WWOX: variants seen among roughly 807,000 people sequenced by gnomAD.
WWOX encodes the protein WW domain containing oxidoreductase, also known as WW domain-containing oxidoreductase.
In WWOX, 69 loss-of-function variants were observed where a neutral mutation model predicts 46.2. That is an observed-to-expected ratio of 1.49 (90% confidence interval 1.23 to 1.82). The LOEUF (loss-of-function observed/expected upper bound fraction) is 1.82, where lower values mean the gene tolerates loss of function less well. Among genes scored for constraint, WWOX ranks in the 40% most tolerant of loss-of-function variants. The pLI is 0.00. For missense variants in WWOX, 919 were observed against 542.6 expected (o/e 1.69, Z -6.89); for synonymous variants, 359 against 202.6 (o/e 1.77, Z -6.56).
intron 5 of WWOX, among the ~76,000 whole-genome samples, chr16:78,291,257 C>CGA (rs1248015453): frequency 1.3e-5 from 2 of 152,184 alleles, no homozygotes; most frequent in Non-Finnish European, 2.9e-5. Flanking sequence ...TCTGATCTCT[C>CGA]TTTTGACTCG....
chr16:78,709,714 C>T (rs1244070838), intron 8 of WWOX, among the ~76,000 whole-genome samples: 1 of 149,700 alleles, frequency 6.7e-6, no homozygotes, highest in Non-Finnish European at 1.5e-5. Flanking sequence ...GGGGCCTCTT[C>T]TTCCAAAGCA....
chr16:78,902,385 G>A (rs1474559937), intron 8 of WWOX, among the ~76,000 whole-genome samples: 1 of 152,216 alleles, frequency 6.6e-6, no homozygotes, highest in African/African-American at 2.4e-5. Flanking sequence ...TTACCTCAAG[G>A]ACAAGGGGAC....
intron 5 of WWOX, among the ~76,000 whole-genome samples, chr16:78,326,765 A>T (rs1234986625): frequency 6.6e-6 from 1 of 151,946 alleles, no homozygotes; most frequent in Non-Finnish European, 1.5e-5. Context: ...TAGACATTTA[A>T]GTGGGCAATA....
At chr16:78,571,238 T>G (rs901949404) in intron 8 of WWOX, among the ~76,000 whole-genome samples, 1 of 152,180 alleles carries the variant, frequency 6.6e-6, no homozygotes, top group African/African-American at 2.4e-5. Context: ...GTAAATGTGT[T>G]GCTTAAATAG....
intron 8 of WWOX, among the ~76,000 whole-genome samples, chr16:79,135,742 A>G (rs996802509): frequency 6.6e-6 from 1 of 152,244 alleles, no homozygotes. Context: ...TTTTAAAAAA[A>G]TAATATAGCT....
chr16:78,910,863 G>T (rs2045091788), intron 8 of WWOX, among the ~76,000 whole-genome samples: 1 of 151,970 alleles, frequency 6.6e-6, no homozygotes, highest in African/African-American at 2.4e-5. Context: ...AATTCAAGAT[G>T]AGATTTGGGT....
chr16:78,959,700 C>G (rs2046236853), intron 8 of WWOX, among the ~76,000 whole-genome samples: 1 of 152,166 alleles, frequency 6.6e-6, no homozygotes, highest in Admixed American at 6.5e-5. Flanking sequence ...TGATGAGACC[C>G]CCCTGCAACT....
chr16:78,831,836 C>T (rs1053832488), intron 8 of WWOX, among the ~76,000 whole-genome samples: 1 of 152,200 alleles, frequency 6.6e-6, no homozygotes, highest in African/African-American at 2.4e-5. Flanking sequence ...AGCTAGAGTA[C>T]AGTCTCTTAG....
At chr16:78,323,929 C>G (rs891886293) in intron 5 of WWOX, among the ~76,000 whole-genome samples, 1 of 152,228 alleles carries the variant, frequency 6.6e-6, no homozygotes, top group East Asian at 1.9e-4. Context: ...ATAGATGCCC[C>G]TTTACTGAGC....
intron 8 of WWOX, among the ~76,000 whole-genome samples, chr16:78,481,636 A>G (rs910444518): frequency 1.0e-5 from 1 of 97,834 alleles, no homozygotes; most frequent in African/African-American, 3.6e-5. Flanking sequence ...TGGAATTGTG[A>G]AAAAAAAAAA....
At chr16:78,731,152 G>C (rs1265400550) in intron 8 of WWOX, among the ~76,000 whole-genome samples, 1 of 152,120 alleles carries the variant, frequency 6.6e-6, no homozygotes, top group Non-Finnish European at 1.5e-5. Context: ...GTAAGCCAAG[G>C]AGTTCTAACT....
chr16:78,618,888 A>G (rs1035816728), intron 8 of WWOX, among the ~76,000 whole-genome samples: 3 of 151,380 alleles, frequency 2.0e-5, no homozygotes, highest in Non-Finnish European at 2.9e-5. Flanking sequence ...CCCAGCATGG[A>G]TCTTCTCCAA....
intron 8 of WWOX, among the ~76,000 whole-genome samples, chr16:78,988,269 G>C (rs186178324): frequency 5.3e-5 from 8 of 151,598 alleles, no homozygotes; most frequent in Non-Finnish European, 1.2e-4. Context: ...ACTTGAACCC[G>C]GGAGGCAGAG....
Position 79,070,707 on chromosome 16 carries a change from C to T in WWOX, c.1057-140901C>T, listed in dbSNP as rs957708031. Among the ~76,000 whole-genome samples the T allele has an allele frequency of 5.9e-5, 9 of 152,296 alleles. No homozygotes were observed. The East Asian group carries it at 1.7e-3, about 29-fold the overall frequency. On this transcript the variant is annotated intron_variant, in intron 8 of 8. Coordinates refer to ENST00000566780, the MANE Select transcript of WWOX (RefSeq NM_016373.4). ...GAGCTGGCTTGCTTCTTCCTTTAGT[C>T]AGTGGTGCAAGCTTCAAGTGGATAA...
chr16:78,413,228 A>T (rs1309745909), intron 6 of WWOX, among the ~76,000 whole-genome samples: 1 of 152,156 alleles, frequency 6.6e-6, no homozygotes. Flanking sequence ...TTAAGGAGAA[A>T]TGTGGTGGAT....
chr16:78,142,725 T>A (rs2151709031), intron 4 of WWOX, among the ~76,000 whole-genome samples: 1 of 152,350 alleles, frequency 6.6e-6, no homozygotes, highest in Non-Finnish European at 1.5e-5. Context: ...AGGTTTACAG[T>A]TTTTCTAATT....
intron 5 of WWOX, among the ~76,000 whole-genome samples, chr16:78,185,801 G>T (rs1401274413): frequency 6.6e-6 from 1 of 151,958 alleles, no homozygotes; most frequent in African/African-American, 2.4e-5. Context: ...AGAGTAGCTG[G>T]GATTACAGGC....
chr16:78,333,310 A>C (rs1039728679), intron 5 of WWOX, among the ~76,000 whole-genome samples: 7 of 133,856 alleles, frequency 5.2e-5, no homozygotes, highest in Non-Finnish European at 8.6e-5. Context: ...TGGCCTGCCA[A>C]AGTGCTGGGA....
rs531070483 is a variant in WWOX at position 78,653,873 on chromosome 16, C to T, written c.1056+221121C>T. 2.0e-5 allele frequency among the ~76,000 whole-genome samples: 3 copies of T among 152,300 alleles called. No individual in the cohort carries two copies. In the East Asian group the frequency reaches 5.8e-4, roughly 29 times the overall value. On this transcript the variant is annotated intron_variant, in intron 8 of 8. Transcript: ENST00000566780. ...AATATTTTGAGTTGGGTTTGAATCA[C>T]GTTGTCTATTACATGCAGCAGGACA...
Sources: allele counts gnomAD v4.1 joint callset (sites outside exome capture counted in the v4.1 genomes callset), GRCh38; gene constraint gnomAD v4.1.1; transcripts MANE v1.5; gene names NCBI Gene and HGNC (gene_info 2026-07-23, HGNC 2026-07-21).